Variants in ATG5 observed in about 807,000 individuals in gnomAD.
The protein encoded by ATG5 is autophagy protein 5.
ATG5 carries 14 observed loss-of-function variants against 36.5 expected under a neutral mutation model. That is an observed-to-expected ratio of 0.38 (90% CI 0.25 to 0.60). ATG5 has a LOEUF of 0.60. Ranked by LOEUF, ATG5 falls within the 20% of genes least tolerant of loss-of-function variation. The probability of loss-of-function intolerance (pLI) is 0.60; values close to 1 mark genes in which losing one functional copy is unlikely to be tolerated. For synonymous variants in ATG5, 95 were observed against 101.5 expected, an observed-to-expected ratio of 0.94 and a Z score of 0.38; for missense variants, 195 against 326.7, an observed-to-expected ratio of 0.60 and a Z score of 3.11.
chr6:106,199,335 T>TA (rs1562206211), intron 7 of ATG5, among the ~76,000 whole-genome samples: 1 of 152,220 alleles, frequency 6.6e-6, no homozygotes, highest in Non-Finnish European at 1.5e-5. Flanking sequence ...CATCAGCTGG[T>TA]ACAGGGAGAA....
chr6:106,236,755 G>C (rs1777918768), intron 6 of ATG5, among the ~76,000 whole-genome samples: 1 of 152,240 alleles, frequency 6.6e-6, no homozygotes, highest in Middle Eastern at 3.4e-3. Flanking sequence ...ACACAGTGGA[G>C]ACATTTTTTG....
chr6:106,297,859 CCAG>C (rs1770028850), intron 3 of ATG5, among the ~76,000 whole-genome samples: 1 of 151,576 alleles, frequency 6.6e-6, no homozygotes, highest in African/African-American at 2.4e-5. Context: ...TTGCTTGAGC[CCAG>C]GAGTTCGACA....
intron 6 of ATG5, among the ~76,000 whole-genome samples, chr6:106,232,960 C>G (rs1266823785): frequency 6.6e-6 from 1 of 152,188 alleles, no homozygotes; most frequent in Non-Finnish European, 1.5e-5. Flanking sequence ...CCCAAGGGTT[C>G]AGGGATAGCC....
At chr6:106,227,628 T>C (rs963875808) in intron 6 of ATG5, among the ~76,000 whole-genome samples, 8 of 152,310 alleles carry the variant, frequency 5.3e-5, no homozygotes, top group African/African-American at 9.6e-5. Flanking sequence ...GCAGAAAAAC[T>C]GCACTTCAAG....
chr6:106,277,112 C>T (rs1254685041), intron 5 of ATG5, among the ~76,000 whole-genome samples: 1 of 152,108 alleles, frequency 6.6e-6, no homozygotes, highest in Admixed American at 6.5e-5. Context: ...AAATGCATGC[C>T]TTACTTGCTC....
chr6:106,253,421 T>C (rs146034033), intron 5 of ATG5, among the ~76,000 whole-genome samples: 145 of 152,294 alleles, frequency 9.5e-4, no homozygotes, highest in African/African-American at 3.3e-3. Context: ...GTGGTTTCAG[T>C]GAATCACAAA....
chr6:106,278,074 G>T (rs1475662088), intron 5 of ATG5, among the ~76,000 whole-genome samples: 1 of 151,964 alleles, frequency 6.6e-6, no homozygotes, highest in Non-Finnish European at 1.5e-5. Context: ...GCCTGCCTAG[G>T]ACTGTCGGCA....
chr6:106,214,612 T>A (rs1026145138), intron 6 of ATG5, among the ~76,000 whole-genome samples: 5 of 152,204 alleles, frequency 3.3e-5, no homozygotes, highest in African/African-American at 4.8e-5. Flanking sequence ...TTTGTCTTAT[T>A]TAAATTGTTA....
At chr6:106,200,104 G>T (rs560131049) in intron 7 of ATG5, among the ~76,000 whole-genome samples, 1 of 151,994 alleles carries the variant, frequency 6.6e-6, no homozygotes. Context: ...CATACATGTA[G>T]GAATGCTAGT....
At chr6:106,325,194 AG>A (rs1771242261) in intron 1 of ATG5, 1 of 152,248 alleles carries the variant, frequency 6.6e-6, no homozygotes, top group Non-Finnish European at 1.5e-5. Context: ...TGTGCAATAA[AG>A]GTTTAAATAA....
At chr6:106,288,170 CA>C (rs1780160228) in intron 4 of ATG5, among the ~76,000 whole-genome samples, 1 of 152,002 alleles carries the variant, frequency 6.6e-6, no homozygotes, top group Non-Finnish European at 1.5e-5. Flanking sequence ...AGGGTTTCAC[CA>C]TGTTGGCCAG....
intron 5 of ATG5, among the ~76,000 whole-genome samples, chr6:106,263,625 G>A (rs547731921): frequency 4.6e-5 from 7 of 152,260 alleles, no homozygotes; most frequent in South Asian, 2.1e-4. Context: ...GCATCAGGCC[G>A]GTGCCCCTCT....
At chr6:106,219,033 A>G (rs1344272889) in intron 6 of ATG5, among the ~76,000 whole-genome samples, 5 of 152,166 alleles carry the variant, frequency 3.3e-5, no homozygotes, top group African/African-American at 9.6e-5. Flanking sequence ...GAAAAGAGAA[A>G]AGGAGGAAAG....
intron 7 of ATG5, among the ~76,000 whole-genome samples, chr6:106,194,555 T>G (rs1776102539): frequency 6.6e-6 from 1 of 151,862 alleles, no homozygotes; most frequent in Non-Finnish European, 1.5e-5. Context: ...CTTTTTTTTT[T>G]GAGATGGAGT....
At chr6:106,192,788 A>G (rs1776016970) in intron 7 of ATG5, among the ~76,000 whole-genome samples, 1 of 152,212 alleles carries the variant, frequency 6.6e-6, no homozygotes, top group South Asian at 2.1e-4. Context: ...GTTTTAAAAA[A>G]TAGAGCGACG....
chr6:106,262,581 A>C (rs1278217545), intron 5 of ATG5, among the ~76,000 whole-genome samples: 1 of 152,162 alleles, frequency 6.6e-6, no homozygotes, highest in East Asian at 1.9e-4. Context: ...CTGAATAGGA[A>C]AAGTTCCGGT....
chr6:106,203,268 T>C (rs1467783179), intron 6 of ATG5, among the ~76,000 whole-genome samples: 1 of 152,180 alleles, frequency 6.6e-6, no homozygotes, highest in Non-Finnish European at 1.5e-5. Flanking sequence ...TAAATTTCCT[T>C]AGTGATGATG....
At chr6:106,254,696 T>C (rs1311950185) in intron 5 of ATG5, among the ~76,000 whole-genome samples, 2 of 152,204 alleles carry the variant, frequency 1.3e-5, no homozygotes, top group Non-Finnish European at 2.9e-5. Flanking sequence ...CCTATTATCA[T>C]TATCTTTTAG....
intron 6 of ATG5, among the ~76,000 whole-genome samples, chr6:106,242,750 C>T (rs1778178509): frequency 6.6e-6 from 1 of 152,126 alleles, no homozygotes; most frequent in African/African-American, 2.4e-5. Context: ...TTTGAAATGA[C>T]TGAAAAACTA....
Sources: allele counts gnomAD v4.1 joint callset (sites outside exome capture counted in the v4.1 genomes callset), GRCh38; gene constraint gnomAD v4.1.1; transcripts MANE v1.5; gene names NCBI Gene and HGNC (gene_info 2026-07-23, HGNC 2026-07-21).